Variants in BDKRB2 observed in about 807,000 individuals in gnomAD.
The protein encoded by BDKRB2 is B2 bradykinin receptor.
In BDKRB2, 6 loss-of-function variants were observed where a neutral mutation model predicts 4.0. The observed-to-expected ratio is 1.49, with a 90% CI of 0.81 to 2.93. BDKRB2 has a LOEUF of 2.93. Ranked by LOEUF, BDKRB2 falls within the 30% of genes most tolerant of loss-of-function variation. The pLI is 0.00. For missense variants in BDKRB2, 478 were observed against 520.1 expected, an observed-to-expected ratio of 0.92 and a Z score of 0.79; for synonymous variants, 225 against 215.3, an observed-to-expected ratio of 1.05 and a Z score of -0.40.
chr14:96,216,727 AGGAGGAAGGAGG>A (rs1566688875), intron 1 of BDKRB2, among the ~76,000 whole-genome samples: 1 of 94,612 alleles, frequency 1.1e-5, no homozygotes, highest in Non-Finnish European at 2.1e-5. Context: ...AGGAAGGAGG[AGGAGGAAGGAGG>A]AGGAGGAGGA....
intron 2 of BDKRB2, chr14:96,238,878 G>T (rs957461070): frequency 5.3e-5 from 52 of 986,742 alleles, no homozygotes; most frequent in Non-Finnish European, 6.0e-5. Context: ...GTCAGGCAGG[G>T]CAGGGGCCGG....
At chr14:96,215,257 T>C (rs1378938135) in intron 1 of BDKRB2, among the ~76,000 whole-genome samples, 1 of 152,250 alleles carries the variant, frequency 6.6e-6, no homozygotes, top group East Asian at 1.9e-4. Context: ...TAACATGTTA[T>C]CAGAAACATT....
intron 2 of BDKRB2, chr14:96,239,694 A>T: frequency 1.1e-6 from 1 of 932,070 alleles, no homozygotes; most frequent in South Asian, 4.9e-5. Context: ...CCCATTTTAC[A>T]GGTGAGGTCA....
Position 96,241,237 on chromosome 14 carries a change from C to G in BDKRB2, c.909C>G (p.Ser303Arg). 2.5e-6 allele frequency: 4 copies of G among 1,612,656 alleles called. No individual in the cohort carries two copies. The highest frequency in any genetic ancestry group is 3.4e-6 in the Non-Finnish European group (4 of 1,178,974). The change falls in exon 3 of 3, where the codon AGC becomes AGG. Residue 303 changes from serine to arginine, a missense_variant. Transcript: ENST00000554311. ...DTLHRLGILS[S>R]CQDERIIDVI... ...TGCATCGCCTCGGCATCCTCTCCAGCTGCCAGGACGAGCGCATCATCGATG... is the reference window on the plus strand; with the variant it reads ...TGCATCGCCTCGGCATCCTCTCCAGGTGCCAGGACGAGCGCATCATCGATG...
chr14:96,217,144 C>T (rs148077354), intron 1 of BDKRB2, among the ~76,000 whole-genome samples: 1 of 152,294 alleles, frequency 6.6e-6, no homozygotes, highest in African/African-American at 2.4e-5. Context: ...TCCCCAGGAC[C>T]AGAGATTCAG....
At chr14:96,209,236 C>T (rs1420134425) in intron 1 of BDKRB2, among the ~76,000 whole-genome samples, 4 of 152,134 alleles carry the variant, frequency 2.6e-5, no homozygotes, top group Admixed American at 6.5e-5. Context: ...CAAGGTTCAT[C>T]GAGTTGATAA....
chr14:96,235,578 C>T (rs2069571), intron 1 of BDKRB2, among the ~76,000 whole-genome samples: 14,430 of 152,102 alleles, frequency 0.095, 765 homozygotes, highest in African/African-American at 0.12. Context: ...TTCCTGCAAA[C>T]CTTTTCCAGG....
chr14:96,212,953 C>T (rs1890335044), intron 1 of BDKRB2, among the ~76,000 whole-genome samples: 1 of 152,120 alleles, frequency 6.6e-6, no homozygotes, highest in Non-Finnish European at 1.5e-5. Context: ...GAGCCCACAA[C>T]CCAAACAGGC....
rs199693477 is a variant in BDKRB2, at chr14:96,241,544, T to G, written c.*40T>G. On this transcript the variant is annotated 3_prime_UTR_variant, in exon 3 of 3. Transcript: ENST00000554311. ...GGCTGCTGTGAATTTGTGTAAGGATTGAGGGACAGTTGCTTTTCAGCATGG... is the reference window on the plus strand; with the variant it reads ...GGCTGCTGTGAATTTGTGTAAGGATGGAGGGACAGTTGCTTTTCAGCATGG... 1.6e-5 allele frequency: 24 copies of G among 1,501,086 alleles called. No homozygotes were observed. The highest frequency in any genetic ancestry group is 2.0e-5 in the Non-Finnish European group (23 of 1,132,486). 93.0% of individuals were successfully genotyped at this position (1,501,086 alleles called of 1,614,324 possible).
chr14:96,231,939 G>T (rs1470556993), intron 1 of BDKRB2, among the ~76,000 whole-genome samples: 1 of 152,172 alleles, frequency 6.6e-6, no homozygotes, highest in Non-Finnish European at 1.5e-5. Context: ...ACTAAGGATG[G>T]AGCCCAGCTG....
chr14:96,225,922 A>G (rs1890684906), intron 1 of BDKRB2, among the ~76,000 whole-genome samples: 1 of 152,034 alleles, frequency 6.6e-6, no homozygotes, highest in South Asian at 2.1e-4. Flanking sequence ...CCACCCTAGC[A>G]GGGCCTGTGC....
rs531319863 is a variant in BDKRB2, at chr14:96,232,679, A to G, written c.-39-4390A>G. Among the ~76,000 whole-genome samples, 4 of 152,336 alleles carry G rather than the reference A, an allele frequency of 2.6e-5. No homozygotes were observed. In the South Asian group the frequency reaches 8.3e-4, roughly 32 times the overall value. On this transcript the variant is annotated intron_variant, in intron 1 of 2. Coordinates refer to ENST00000554311, the MANE Select transcript of BDKRB2 (RefSeq NM_001379692.1). ...CTGAACCTGCTCAGTCTGTTGAAAA[A>G]GGAGATTACGCACATAGAAAGGCGT...
chr14:96,216,104 A>G (rs914435132), intron 1 of BDKRB2, among the ~76,000 whole-genome samples: 9 of 152,248 alleles, frequency 5.9e-5, no homozygotes, highest in Non-Finnish European at 1.0e-4. Context: ...CAAGGAAAGT[A>G]GGCAAGCTCA....
At chr14:96,235,815 GCA>G (rs149331794) in intron 1 of BDKRB2, among the ~76,000 whole-genome samples, 2,924 of 150,704 alleles carry the variant, frequency 0.019, 91 homozygotes, top group African/African-American at 0.066. Context: ...ACCCACACAT[GCA>G]CACACACACA....
intron 1 of BDKRB2, among the ~76,000 whole-genome samples, chr14:96,213,553 T>G (rs929708060): frequency 1.3e-5 from 2 of 151,388 alleles, no homozygotes. Flanking sequence ...CACAAGTTGC[T>G]TCTTTGCTGC....
rs200839277 is a variant in BDKRB2 at position 96,243,599 on chromosome 14, C to A, written c.*2095C>A. On this transcript the variant is annotated 3_prime_UTR_variant, in exon 3 of 3. Transcript: ENST00000554311. Reference sequence around the variant, plus strand: ...GGGAATGAACCTGGAGGGCTAGAACCTGGAGAATGAGAAAAATTTACATGG... The same window carrying A: ...GGGAATGAACCTGGAGGGCTAGAACATGGAGAATGAGAAAAATTTACATGG... 1.3e-5 allele frequency: 2 copies of A among 152,328 alleles called. No homozygotes were observed. The highest frequency in any genetic ancestry group is 2.1e-4 in the South Asian group (1 of 4,830). 9.4% of individuals were successfully genotyped at this position (152,328 alleles called of 1,614,324 possible). A position where few individuals can be genotyped will look rare whatever the true frequency, so the allele number is the denominator to read the frequency against.
intron 2 of BDKRB2, chr14:96,238,951 A>G (rs1209585899): frequency 1.0e-6 from 1 of 985,334 alleles, no homozygotes; most frequent in Non-Finnish European, 1.2e-6. Context: ...ACGCTCAAAA[A>G]ACATTTAAAG....
intron 2 of BDKRB2, chr14:96,239,066 C>T: frequency 1.0e-6 from 1 of 985,478 alleles, no homozygotes; most frequent in Non-Finnish European, 1.2e-6. Context: ...AGGTGATGAT[C>T]AGTATCTCTC....
Position 96,207,871 on chromosome 14 carries a change from A to G in BDKRB2, c.-40+2912A>G, listed in dbSNP as rs140193584. On this transcript the variant is annotated intron_variant, in intron 1 of 2. Transcript: ENST00000554311. ...GTACCTCAGGGTCATGAGTCAAACA[A>G]TCAGACCTGCCAAGACTTGACACCC... Among the ~76,000 whole-genome samples, 733 of 152,296 alleles carry G rather than the reference A, an allele frequency of 4.8e-3. 5 individuals are homozygous for G. Among genetic ancestry groups the G allele is most frequent in the Non-Finnish European group, 7.1e-3 (481 of 68,018 alleles).
Sources: allele counts gnomAD v4.1 joint callset (sites outside exome capture counted in the v4.1 genomes callset), GRCh38; gene constraint gnomAD v4.1.1; transcripts MANE v1.5; gene names NCBI Gene and HGNC (gene_info 2026-07-23, HGNC 2026-07-21).